Variants in PARN observed in about 807,000 individuals in gnomAD.
The protein encoded by PARN is poly(A)-specific ribonuclease PARN.
In PARN, 71 loss-of-function variants were observed where a neutral mutation model predicts 102.8. The observed-to-expected ratio is 0.69, with a 90% CI of 0.57 to 0.84. The LOEUF (loss-of-function observed/expected upper bound fraction) is 0.84, where lower values mean the gene tolerates loss of function less well. Ranked by LOEUF, PARN falls within the 40% of genes least tolerant of loss-of-function variation. The pLI is 0.00. For missense variants in PARN, 782 were observed against 760.9 expected (o/e 1.03, Z -0.33); for synonymous variants, 261 against 252.9 (o/e 1.03, Z -0.30).
chr16:14,552,790 A>G (rs1455475313), intron 20 of PARN, among the ~76,000 whole-genome samples: 1 of 152,082 alleles, frequency 6.6e-6, no homozygotes, highest in African/African-American at 2.4e-5. Context: ...CTCTGCTAAA[A>G]ATACAAAATT....
At chr16:14,440,485 A>G (rs1424496005) in intron 23 of PARN, among the ~76,000 whole-genome samples, 2 of 152,222 alleles carry the variant, frequency 1.3e-5, no homozygotes, top group African/African-American at 4.8e-5. Context: ...CATATGACCC[A>G]GCAACCCCAC....
intron 6 of PARN, 33 bp from the exon 7 acceptor site, chr16:14,610,842 G>C: frequency 7.0e-7 from 1 of 1,434,004 alleles, no homozygotes; most frequent in Non-Finnish European, 9.8e-7. Flanking sequence ...TGCATTAGCA[G>C]AAGTAACTGT....
chr16:14,590,809 C>T (rs774958533), intron 13 of PARN, among the ~76,000 whole-genome samples: 4 of 152,034 alleles, frequency 2.6e-5, no homozygotes, highest in Admixed American at 6.6e-5. Flanking sequence ...CCACTCATGA[C>T]GTCTGTATTG....
intron 22 of PARN, among the ~76,000 whole-genome samples, chr16:14,452,742 C>G (rs915563598): frequency 1.3e-5 from 2 of 152,218 alleles, no homozygotes; most frequent in African/African-American, 4.8e-5. Context: ...AGAAAGCTCT[C>G]AGATATATGT....
intron 21 of PARN, among the ~76,000 whole-genome samples, chr16:14,519,094 T>C (rs181002877): frequency 2.2e-4 from 34 of 152,010 alleles, no homozygotes; most frequent in Non-Finnish European, 8.8e-5. Context: ...GATATTCTAT[T>C]TCTACCATCT....
Position 14,627,031 on chromosome 16 carries a change from C to T in PARN, c.327+75G>A. ...CCCAAAGCCCAAAGTTAATAGAGAA[C>T]CAAATTCTGATTTCACATTTCCATG... On this transcript the variant is annotated intron_variant, in intron 5 of 23. Transcript: ENST00000437198. 4.6e-6 allele frequency: 4 copies of T among 875,822 alleles called. No individual in the cohort carries two copies. In the South Asian group the frequency reaches 5.8e-5, roughly 13 times the overall value. The allele number at this position is 875,822 out of a possible 1,614,324, so 54.3% of individuals were successfully genotyped here.
intron 18 of PARN, among the ~76,000 whole-genome samples, chr16:14,575,265 G>C (rs763625862): frequency 9.2e-5 from 14 of 152,202 alleles, no homozygotes; most frequent in Non-Finnish European, 1.6e-4. Context: ...CAGAATGGCA[G>C]ATCCACCAAC....
At chr16:14,520,850 T>C (rs1444062551) in intron 21 of PARN, among the ~76,000 whole-genome samples, 1 of 151,774 alleles carries the variant, frequency 6.6e-6, no homozygotes, top group Non-Finnish European at 1.5e-5. Context: ...GCTGAAGGGG[T>C]TGGGGGTGAG....
Position 14,586,362 on chromosome 16 carries a change from C to G in PARN, c.919-1G>C. 1.3e-6 allele frequency: 2 copies of G among 1,519,016 alleles called. No homozygotes were observed. The allele number at this position is 1,519,016 out of a possible 1,614,324, so 94.1% of individuals were successfully genotyped here. A position where few individuals can be genotyped will look rare whatever the true frequency, so the allele number is the denominator to read the frequency against. ...TCATCTCTTTAAACTCACTTAAGTC[C>G]TAAAGAACAAGAGAAGGACTTGTTA... On this transcript the variant is annotated splice_acceptor_variant, in intron 13 of 23. Coordinates refer to ENST00000437198, the MANE Select transcript of PARN (RefSeq NM_002582.4). LOFTEE classifies it high-confidence loss of function.
Position 14,459,072 on chromosome 16 carries a change from T to C in PARN, c.1671-11991A>G, listed in dbSNP as rs371842689. ...CCTTACAGCTAATTCATATTTAACG[T>C]TGAAAGATTGAAAGCTTTCCTCCTA... is the stretch of plus-strand genomic sequence containing the variant. On this transcript the variant is annotated intron_variant, in intron 22 of 23. Transcript: ENST00000437198. Among the ~76,000 whole-genome samples the C allele has an allele frequency of 2.0e-4, 30 of 152,322 alleles. No homozygotes were observed. The East Asian group carries it at 2.5e-3, about 13-fold the overall frequency.
rs542434442 is a variant in PARN, at chr16:14,559,404, G to T, written c.1263-3695C>A. Among the ~76,000 whole-genome samples, 267 of 147,116 alleles carry T rather than the reference G, an allele frequency of 1.8e-3. 1 individual carries two copies. Among genetic ancestry groups the T allele is most frequent in the Non-Finnish European group, 3.6e-3 (234 of 65,472 alleles). On this transcript the variant is annotated intron_variant, in intron 18 of 23. Transcript: ENST00000437198. ...TTATTCTCAGCTAAAACACTCAAAAGATTTGTTTTTTTTTTTTAATTTTTA... is the reference window on the plus strand; with the variant it reads ...TTATTCTCAGCTAAAACACTCAAAATATTTGTTTTTTTTTTTTAATTTTTA...
intron 21 of PARN, among the ~76,000 whole-genome samples, chr16:14,525,887 T>A (rs914191400): frequency 2.0e-5 from 3 of 152,058 alleles, no homozygotes; most frequent in Non-Finnish European, 4.4e-5. Flanking sequence ...GGTGCGATCC[T>A]GGCTCACTGC....
chr16:14,505,357 G>A (rs993975847), intron 21 of PARN, among the ~76,000 whole-genome samples: 1 of 152,224 alleles, frequency 6.6e-6, no homozygotes, highest in Non-Finnish European at 1.5e-5. Context: ...CACGCCTGTA[G>A]TCCCAGCTCC....
chr16:14,581,738 A>G (rs1359632204), intron 17 of PARN, among the ~76,000 whole-genome samples: 1 of 152,162 alleles, frequency 6.6e-6, no homozygotes, highest in Non-Finnish European at 1.5e-5. Flanking sequence ...TGGTTAACAC[A>G]GCAAGACCCT....
intron 17 of PARN, 112 bp from the exon 18 acceptor site, chr16:14,581,055 T>C (rs1375095827): frequency 1.6e-6 from 1 of 624,922 alleles, no homozygotes; most frequent in Non-Finnish European, 2.9e-6. Flanking sequence ...GTGTGAAAGG[T>C]ATTCTTTTTT....
At chr16:14,447,264 A>G (rs567234512) in intron 22 of PARN, among the ~76,000 whole-genome samples, 183 bp from the exon 23 acceptor site, 1 of 152,360 alleles carries the variant, frequency 6.6e-6, no homozygotes, top group Admixed American at 6.5e-5. Context: ...AAGTTTACCT[A>G]TAACAAGCTT....
intron 5 of PARN, among the ~76,000 whole-genome samples, chr16:14,622,649 C>A (rs987382151): frequency 1.3e-5 from 2 of 152,200 alleles, no homozygotes; most frequent in African/African-American, 2.4e-5. Flanking sequence ...GGACTACAGG[C>A]GCCCGCCCCC....
chr16:14,508,308 T>C (rs1012632351), intron 21 of PARN, among the ~76,000 whole-genome samples: 13 of 152,052 alleles, frequency 8.5e-5, no homozygotes, highest in African/African-American at 2.7e-4. Flanking sequence ...GGTAGGGGGA[T>C]TGCTTGAGGC....
intron 22 of PARN, among the ~76,000 whole-genome samples, chr16:14,455,682 T>A (rs1471747758): frequency 1.3e-5 from 2 of 152,008 alleles, no homozygotes; most frequent in Non-Finnish European, 2.9e-5. Context: ...CTCAATAGAT[T>A]TTTATTGAGA....
Sources: gnomAD v4.1 joint callset for allele counts (sites outside exome capture counted in the v4.1 genomes callset) on GRCh38, gnomAD v4.1.1 for gene constraint, MANE v1.5 for transcripts, NCBI Gene and HGNC (gene_info 2026-07-23, HGNC 2026-07-21) for gene names.